PLXNA4: variants seen among roughly 807,000 people sequenced by gnomAD.
PLXNA4 encodes plexin-A4.
Under a neutral mutation model 191.8 loss-of-function variants are expected in PLXNA4, and 44 were observed. That is an observed-to-expected ratio of 0.23 (90% CI 0.18 to 0.29). The LOEUF (loss-of-function observed/expected upper bound fraction) is 0.29. Ranked by LOEUF, PLXNA4 falls within the 10% of genes least tolerant of loss-of-function variation. The pLI is 1.00. For missense variants in PLXNA4, 1,800 were observed against 2,488.8 expected, an observed-to-expected ratio of 0.72 and a Z score of 5.89; for synonymous variants, 1,082 against 1,009.5, an observed-to-expected ratio of 1.07 and a Z score of -1.36.
chr7:132,391,048 C>T (rs747439394), intron 3 of PLXNA4, among the ~76,000 whole-genome samples: 5 of 152,180 alleles, frequency 3.3e-5, no homozygotes, highest in African/African-American at 4.8e-5. Flanking sequence ...CCATCCCTTT[C>T]GAGTAAAGCA....
chr7:132,280,737 A>G (rs985434881), intron 4 of PLXNA4, among the ~76,000 whole-genome samples: 10 of 152,136 alleles, frequency 6.6e-5, no homozygotes, highest in African/African-American at 2.4e-4. Context: ...TACACAACAA[A>G]CTCTTGGTAC....
chr7:132,531,231 T>C (rs1799604805), intron 1 of PLXNA4, among the ~76,000 whole-genome samples: 1 of 152,194 alleles, frequency 6.6e-6, no homozygotes, highest in Non-Finnish European at 1.5e-5. Context: ...ATTTTATGTT[T>C]TATGTACTCT....
At position 132,156,789 on chromosome 7, in the gene PLXNA4, G is replaced by C. The variant is rs1584774232; in HGVS notation, c.4660+2684C>G. ...TTGCCTTGCTTCTCTCTCCCTGTGGGGGCTGTGATTGAATAGTGTGGAAAA... is the reference window on the plus strand; with the variant it reads ...TTGCCTTGCTTCTCTCTCCCTGTGGCGGCTGTGATTGAATAGTGTGGAAAA... On this transcript the variant is annotated intron_variant, in intron 25 of 31. Coordinates refer to ENST00000321063, the MANE Select transcript of PLXNA4 (RefSeq NM_020911.2). 5.9e-5 allele frequency among the ~76,000 whole-genome samples: 9 copies of C among 152,336 alleles called. 2 individuals are homozygous for C. The highest frequency in any genetic ancestry group is 5.9e-4 in the Admixed American group (9 of 15,312).
chr7:132,306,948 G>A (rs938134920), intron 3 of PLXNA4, among the ~76,000 whole-genome samples: 6 of 152,168 alleles, frequency 3.9e-5, no homozygotes, highest in Admixed American at 1.3e-4. Flanking sequence ...GCGAATACGG[G>A]CATGAGGTCT....
chr7:132,341,184 TTTAC>T (rs1803013073), intron 3 of PLXNA4, among the ~76,000 whole-genome samples: 1 of 152,150 alleles, frequency 6.6e-6, no homozygotes, highest in Non-Finnish European at 1.5e-5. Flanking sequence ...TAATTGGGCA[TTTAC>T]TTACTAACAC....
chr7:132,203,832 C>T (rs2116869089), intron 10 of PLXNA4, among the ~76,000 whole-genome samples: 1 of 152,272 alleles, frequency 6.6e-6, no homozygotes, highest in East Asian at 1.9e-4. Context: ...GTCCCTAGGC[C>T]CTCCCAAGTC....
chr7:132,579,101 G>T (rs1563185689), upstream of PLXNA4, among the ~76,000 whole-genome samples: 1 of 152,148 alleles, frequency 6.6e-6, no homozygotes, highest in Non-Finnish European at 1.5e-5. Context: ...TCCATGTAAG[G>T]TTTGCATCAC....
chr7:132,393,915 G>A (rs1040272950), intron 3 of PLXNA4, among the ~76,000 whole-genome samples: 4 of 151,864 alleles, frequency 2.6e-5, no homozygotes, highest in Non-Finnish European at 4.4e-5. Context: ...GCCAACTTAC[G>A]ACAAGACTTA....
chr7:132,563,894 C>CCTCCTCCTCCTT (rs1399094122), intron 1 of PLXNA4, among the ~76,000 whole-genome samples: 4 of 124,902 alleles, frequency 3.2e-5, no homozygotes, highest in Admixed American at 2.4e-4. Flanking sequence ...TTCTGCTGCT[C>CCTCCTCCTCCTT]CTCCTCCTCC....
At chr7:132,564,314 TTCCTCCTCCTTCTCCTTCTGCTGC>T (rs1801608461) in intron 1 of PLXNA4, among the ~76,000 whole-genome samples, 1 of 102,308 alleles carries the variant, frequency 9.8e-6, no homozygotes, top group African/African-American at 3.8e-5. Context: ...TCCTCTCCTT[TTCCTCCTCCTTCTCCTTCTGCTGC>T]TCCTCCTCCT....
chr7:132,612,870 G>C (rs1410247648), intron 2 of PLXNA4, among the ~76,000 whole-genome samples: 1 of 152,004 alleles, frequency 6.6e-6, no homozygotes, highest in Non-Finnish European at 1.5e-5. Flanking sequence ...AATCAACCAT[G>C]GGTGAGAACC....
At chr7:132,140,453 G>A (rs1795235689) in intron 30 of PLXNA4, 146 bp downstream of exon 30, 3 of 1,212,232 alleles carry the variant, frequency 2.5e-6, no homozygotes, top group Non-Finnish European at 3.4e-6. Flanking sequence ...GGACTTGGGG[G>A]TGTGGGTGTT....
chr7:132,548,576 C>G (rs1239976977), intron 1 of PLXNA4, among the ~76,000 whole-genome samples: 1 of 152,172 alleles, frequency 6.6e-6, no homozygotes, highest in East Asian at 1.9e-4. Context: ...AGACCAAGAC[C>G]AAGGATTCTC....
intron 2 of PLXNA4, among the ~76,000 whole-genome samples, chr7:132,615,578 T>G (rs969587513): frequency 7.9e-5 from 12 of 152,146 alleles, no homozygotes; most frequent in Admixed American, 6.5e-5. Context: ...TTTTTCTCCT[T>G]CCTGCACCCT....
intron 3 of PLXNA4, among the ~76,000 whole-genome samples, chr7:132,298,982 C>A (rs1300049595): frequency 6.6e-6 from 1 of 152,238 alleles, no homozygotes; most frequent in Non-Finnish European, 1.5e-5. Flanking sequence ...TGCCCACATG[C>A]CCCATGAATG....
At chr7:132,351,864 A>C (rs995562784) in intron 3 of PLXNA4, among the ~76,000 whole-genome samples, 4 of 152,150 alleles carry the variant, frequency 2.6e-5, no homozygotes, top group African/African-American at 9.7e-5. Context: ...GAGATAAAGG[A>C]GACAAAGAAA....
At chr7:132,375,369 G>T (rs1804619204) in intron 3 of PLXNA4, among the ~76,000 whole-genome samples, 1 of 151,950 alleles carries the variant, frequency 6.6e-6, no homozygotes, top group African/African-American at 2.4e-5. Context: ...CAGAAACCCG[G>T]TTGTCCCCCA....
chr7:132,416,547 C>T (rs1266502993), intron 3 of PLXNA4, among the ~76,000 whole-genome samples: 3 of 152,178 alleles, frequency 2.0e-5, no homozygotes, highest in Non-Finnish European at 4.4e-5. Context: ...GAGATGTGCA[C>T]AGAAAATATC....
intron 4 of PLXNA4, among the ~76,000 whole-genome samples, chr7:132,280,972 G>A (rs1165590466): frequency 1.3e-5 from 2 of 151,968 alleles, no homozygotes; most frequent in Non-Finnish European, 2.9e-5. Flanking sequence ...CTGCTCATTA[G>A]CATCATAGCA....
Sources: allele counts gnomAD v4.1 joint callset (sites outside exome capture counted in the v4.1 genomes callset), GRCh38; gene constraint gnomAD v4.1.1; transcripts MANE v1.5; gene names NCBI Gene and HGNC (gene_info 2026-07-23, HGNC 2026-07-21).